Variants in SLC45A4 observed in about 807,000 individuals in gnomAD.
SLC45A4 encodes the protein solute carrier family 45 member 4.
Under a neutral mutation model 63.7 loss-of-function variants are expected in SLC45A4, and 32 were observed. The ratio of observed to expected loss-of-function variants is 0.50; its 90% CI spans 0.38 to 0.67. The LOEUF (loss-of-function observed/expected upper bound fraction) is 0.67. Among genes scored for constraint, SLC45A4 ranks in the 30% least tolerant of loss-of-function variants. The pLI is 0.00. For synonymous variants in SLC45A4, 535 were observed against 510.0 expected, an observed-to-expected ratio of 1.05 and a Z score of -0.66; for missense variants, 1,027 against 1,157.7, an observed-to-expected ratio of 0.89 and a Z score of 1.64.
In SLC45A4 at chr8:141,212,310, G is replaced by A. The variant is rs773814223; in HGVS notation, c.2188C>T (p.Leu730=). ...CCTTCGCCGGCCAACGGGGAAGACAGGCCTTTCTGCTCCTCCTTGGCCTCC... is the reference window on the plus strand; with the variant it reads ...CCTTCGCCGGCCAACGGGGAAGACAAGCCTTTCTGCTCCTCCTTGGCCTCC... ...SEEAKEEQKG[L]SSPLAGEGRA... Residue 730 remains leucine (L), a synonymous_variant, in exon 8 of 9, where the codon CTG becomes TTG. Transcript: ENST00000517878. 1.9e-6 allele frequency: 3 copies of A among 1,610,612 alleles called. No individual in the cohort carries two copies. Among genetic ancestry groups the A allele is most frequent in the East Asian group, 4.5e-5 (2 of 44,780 alleles).
chr8:141,247,844 C>T (rs2154614580), intron 2 of SLC45A4, among the ~76,000 whole-genome samples: 2 of 152,306 alleles, frequency 1.3e-5, no homozygotes, highest in Middle Eastern at 6.8e-3. Context: ...GAAACAGATT[C>T]ACAATATAGG....
chr8:141,250,401 G>GTTT (rs34533385), intron 2 of SLC45A4, among the ~76,000 whole-genome samples: 5 of 143,744 alleles, frequency 3.5e-5, no homozygotes, highest in South Asian at 2.2e-4. Context: ...GGTGTGAGTG[G>GTTT]TTTTTTTTTT....
intron 1 of SLC45A4, among the ~76,000 whole-genome samples, chr8:141,280,174 G>C (rs1829882019): frequency 6.6e-6 from 1 of 152,204 alleles, no homozygotes; most frequent in African/African-American, 2.4e-5. Flanking sequence ...GACTCACCTT[G>C]GGCACTGTGA....
At chr8:141,224,599 C>T (rs1826861625) in intron 2 of SLC45A4, 1 of 152,298 alleles carries the variant, frequency 6.6e-6, no homozygotes, top group East Asian at 1.9e-4. Context: ...CAGGTGTGCA[C>T]CACCACACCC....
At chr8:141,295,652 C>T (rs1338247549) in intron 1 of SLC45A4, among the ~76,000 whole-genome samples, 2 of 152,218 alleles carry the variant, frequency 1.3e-5, no homozygotes, top group Non-Finnish European at 2.9e-5. Context: ...AACTCCATCT[C>T]CCTGAACTGC....
intron 1 of SLC45A4, among the ~76,000 whole-genome samples, chr8:141,276,568 G>A (rs558480153): frequency 2.6e-5 from 4 of 152,300 alleles, no homozygotes; most frequent in African/African-American, 9.6e-5. Flanking sequence ...GAACCTAGGT[G>A]CTACTCATTC....
At chr8:141,276,877 G>A (rs528927038) in intron 1 of SLC45A4, among the ~76,000 whole-genome samples, 2 of 152,300 alleles carry the variant, frequency 1.3e-5, no homozygotes, top group South Asian at 2.1e-4. Context: ...AACACCTCAC[G>A]CGGGCTCCTC....
At chr8:141,299,923 C>T (rs1235678508) in intron 1 of SLC45A4, among the ~76,000 whole-genome samples, 1 of 152,090 alleles carries the variant, frequency 6.6e-6, no homozygotes, top group Admixed American at 6.6e-5. Flanking sequence ...TGATTTAATC[C>T]GGTTCTGTGG....
chr8:141,293,675 G>A (rs985088287), intron 1 of SLC45A4, among the ~76,000 whole-genome samples: 1 of 152,146 alleles, frequency 6.6e-6, no homozygotes, highest in African/African-American at 2.4e-5. Context: ...GCTCATGCCT[G>A]TAATCCTAAC....
At position 141,256,666 on chromosome 8, in the gene SLC45A4, A is replaced by G. The variant is rs144046073; in HGVS notation, c.-400-2037T>C. The G allele has an allele frequency of 6.0e-4, 273 of 456,060 alleles. No homozygotes were observed. The highest frequency in any genetic ancestry group is 4.7e-3 in the African/African-American group (234 of 50,204). The allele number at this position is 456,060 out of a possible 1,614,324, so 28.3% of individuals were successfully genotyped here. Reference sequence around the variant, plus strand: ...AATGCCTACTAATTCCTTAAGAACCAAAGGTTCAAGTGGTGCTACCTATGT... The same window carrying G: ...AATGCCTACTAATTCCTTAAGAACCGAAGGTTCAAGTGGTGCTACCTATGT... On this transcript the variant is annotated intron_variant, in intron 1 of 8. Coordinates refer to ENST00000517878, the MANE Select transcript of SLC45A4 (RefSeq NM_001286646.2). This position sits in a 1 kb window ranked among gnomAD's most constrained non-coding sequence, Gnocchi z 4.3.
Position 141,276,740 on chromosome 8 carries a change from G to A in SLC45A4, c.-400-22111C>T, listed in dbSNP as rs374689683. Among the ~76,000 whole-genome samples, 25 of 152,288 alleles carry A rather than the reference G, an allele frequency of 1.6e-4. 1 individual carries two copies. In the South Asian group the frequency reaches 5.2e-3, roughly 32 times the overall value. ...GACTGCCCTTTTCCCTTCTTTCCAG[G>A]CTGAAAGAGACCACAGGACATGGTC... On this transcript the variant is annotated intron_variant, in intron 1 of 8. Coordinates refer to ENST00000517878, the MANE Select transcript of SLC45A4 (RefSeq NM_001286646.2).
chr8:141,301,462 G>T (rs1243024626), intron 1 of SLC45A4, among the ~76,000 whole-genome samples: 1 of 152,044 alleles, frequency 6.6e-6, no homozygotes, highest in Admixed American at 6.6e-5. Flanking sequence ...CAGTCCATAG[G>T]TCGGGTGCAG....
At position 141,212,332 on chromosome 8, in the gene SLC45A4, C is replaced by A. The variant is rs751397551; in HGVS notation, c.2166G>T (p.Glu722Asp). Residue 722 changes from glutamate to aspartate, a missense_variant, in exon 8 of 9, where the codon GAG becomes GAT. Physicochemically the swap from Glu to Asp is conservative, Grantham distance 45. Coordinates refer to ENST00000517878, the MANE Select transcript of SLC45A4 (RefSeq NM_001286646.2). The stretch of plus-strand genomic sequence containing the variant: ...ACAGGCCTTTCTGCTCCTCCTTGGC[C>A]TCCTCTGACACGTTGGGATAGATCA... The part of the protein sequence containing the change: ...FLVIYPNVSE[E>D]AKEEQKGLSS... 2 of 1,612,778 alleles carry A rather than the reference C, an allele frequency of 1.2e-6. No homozygotes were observed. Among genetic ancestry groups the A allele is most frequent in the Non-Finnish European group, 1.7e-6 (2 of 1,179,454 alleles).
chr8:141,272,745 C>CGCCAGCGCT (rs886199878), intron 1 of SLC45A4, among the ~76,000 whole-genome samples: 1 of 152,178 alleles, frequency 6.6e-6, no homozygotes, highest in African/African-American at 2.4e-5. Flanking sequence ...ACAGCCTCCT[C>CGCCAGCGCT]GCCAGCGCTG....
At chr8:141,236,450 A>G (rs1471035910) in intron 2 of SLC45A4, among the ~76,000 whole-genome samples, 3 of 152,358 alleles carry the variant, frequency 2.0e-5, no homozygotes, top group East Asian at 3.9e-4. Context: ...CAAATAGTTC[A>G]CAAGCTAGAA....
At position 141,211,303 on chromosome 8, in the gene SLC45A4, G is replaced by C. The variant is rs1376222393; in HGVS notation, c.*269C>G. The C allele has an allele frequency of 9.8e-7, 1 of 1,019,476 alleles. No homozygotes were observed. Among genetic ancestry groups the C allele is most frequent in the East Asian group, 3.0e-5 (1 of 33,520 alleles). 63.2% of individuals were successfully genotyped at this position (1,019,476 alleles called of 1,614,324 possible). A position where few individuals can be genotyped will look rare whatever the true frequency, so the allele number is the denominator to read the frequency against. On this transcript the variant is annotated 3_prime_UTR_variant, in exon 9 of 9. Transcript: ENST00000517878. Reference sequence around the variant, plus strand: ...CCTGGCCTCCTAGGAGAGTCCTTCAGACGGGACGAGCGGGGTCACATGGCT... The same window carrying C: ...CCTGGCCTCCTAGGAGAGTCCTTCACACGGGACGAGCGGGGTCACATGGCT...
At chr8:141,221,105 T>A (rs919281203) in intron 3 of SLC45A4, among the ~76,000 whole-genome samples, 2 of 152,258 alleles carry the variant, frequency 1.3e-5, no homozygotes, top group African/African-American at 4.8e-5. Flanking sequence ...CTCAAAAAGT[T>A]CTTGCCAGAA....
At position 141,266,293 on chromosome 8, in the gene SLC45A4, C is replaced by T. The variant is rs187969912; in HGVS notation, c.-400-11664G>A. On this transcript the variant is annotated intron_variant, in intron 1 of 8. Transcript: ENST00000517878. ...GCCTGACACCATGGGCTGCAGACACCGCTTGTGGGCGGCACATGCTGATGA... is the reference window on the plus strand; with the variant it reads ...GCCTGACACCATGGGCTGCAGACACTGCTTGTGGGCGGCACATGCTGATGA... 1.0e-3 allele frequency among the ~76,000 whole-genome samples: 159 copies of T among 152,306 alleles called. 3 individuals carry two copies. The highest frequency in any genetic ancestry group is 1.3e-3 in the East Asian group (7 of 5,186).
chr8:141,274,592 C>A (rs1055821012), intron 1 of SLC45A4, among the ~76,000 whole-genome samples: 1 of 151,292 alleles, frequency 6.6e-6, no homozygotes, highest in African/African-American at 2.4e-5. Flanking sequence ...TTACATATGG[C>A]CTTGGCCTGG....
Sources: gnomAD v4.1 joint callset for allele counts (sites outside exome capture counted in the v4.1 genomes callset) on GRCh38, gnomAD v4.1.1 for gene constraint, Gnocchi (gnomAD v3.1) non-coding constraint, MANE v1.5 for transcripts, NCBI Gene and HGNC (gene_info 2026-07-23, HGNC 2026-07-21) for gene names.